The following NEDD4L variants were observed in gnomAD, a reference collection of about 807,000 sequenced individuals.
NEDD4L encodes the protein E3 ubiquitin-protein ligase NEDD4-like.
In NEDD4L, 54 loss-of-function variants were observed where a neutral mutation model predicts 148.9. The ratio of observed to expected loss-of-function variants is 0.36; its 90% CI spans 0.29 to 0.45. NEDD4L has a LOEUF of 0.45. Among genes scored for constraint, NEDD4L ranks in the 20% least tolerant of loss-of-function variants. The probability of loss-of-function intolerance (pLI) is 1.00; values close to 1 mark genes in which losing one functional copy is unlikely to be tolerated. For missense variants in NEDD4L, 856 were observed against 1,233.8 expected (o/e 0.69, Z 4.59); for synonymous variants, 433 against 440.7 (o/e 0.98, Z 0.22).
intron 2 of NEDD4L, among the ~76,000 whole-genome samples, chr18:58,192,338 G>A (rs2040207388): frequency 6.6e-6 from 1 of 152,180 alleles, no homozygotes. Flanking sequence ...AGGCACTATT[G>A]ACTGTGTGTA....
At chr18:58,077,160 C>CT (rs60248050) in intron 1 of NEDD4L, among the ~76,000 whole-genome samples, 626 of 48,934 alleles carry the variant, frequency 0.013, 144 homozygotes, top group Non-Finnish European at 0.018. Context: ...CTCATAACGG[C>CT]TTTTTTTTTT....
At chr18:58,300,773 G>A (rs1367190409) in intron 5 of NEDD4L, among the ~76,000 whole-genome samples, 1 of 152,146 alleles carries the variant, frequency 6.6e-6, no homozygotes, top group Admixed American at 6.5e-5. Flanking sequence ...ATGAGTCTGT[G>A]GCCCAGTGGA....
chr18:58,400,111 C>T lies in NEDD4L; in HGVS notation c.*3842C>T, dbSNP rs2050756142. 1.3e-5 allele frequency: 2 copies of T among 152,550 alleles called. No individual in the cohort carries two copies. The highest frequency in any genetic ancestry group is 3.9e-4 in the East Asian group (2 of 5,182). 9.4% of individuals were successfully genotyped at this position (152,550 alleles called of 1,614,324 possible). ...TCCTCCTTACCCTGGCCCTGCACCCCTGTACTTAAGAGGGAGAGGTGGGAG... is the reference window on the plus strand; with the variant it reads ...TCCTCCTTACCCTGGCCCTGCACCCTTGTACTTAAGAGGGAGAGGTGGGAG... On this transcript the variant is annotated 3_prime_UTR_variant, in exon 31 of 31. Coordinates refer to ENST00000400345, the MANE Select transcript of NEDD4L (RefSeq NM_001144967.3).
chr18:58,082,079 A>AATATATACACACACACAC (rs1378443130), intron 1 of NEDD4L, among the ~76,000 whole-genome samples: 1 of 89,980 alleles, frequency 1.1e-5, no homozygotes, highest in African/African-American at 5.8e-5. Context: ...CTTTCTGATG[A>AATATATACACACACACAC]ATATATATAT....
At chr18:58,339,545 G>A (rs1341089857) in intron 13 of NEDD4L, among the ~76,000 whole-genome samples, 2 of 152,144 alleles carry the variant, frequency 1.3e-5, no homozygotes, top group Non-Finnish European at 2.9e-5. Context: ...CATGATCCGA[G>A]TCTTTGTGTC....
At chr18:58,284,200 C>G (rs1274341753) in intron 5 of NEDD4L, among the ~76,000 whole-genome samples, 1 of 152,148 alleles carries the variant, frequency 6.6e-6, no homozygotes, top group Non-Finnish European at 1.5e-5. Flanking sequence ...ATATGCTAAT[C>G]AATATATATT....
At chr18:58,240,271 G>T (rs1050725452) in intron 2 of NEDD4L, among the ~76,000 whole-genome samples, 10 of 151,550 alleles carry the variant, frequency 6.6e-5, no homozygotes, top group African/African-American at 1.9e-4. Context: ...TTTGGATTTT[G>T]TTTACTCAGT....
In NEDD4L at chr18:58,074,496, A is replaced by G. The variant is rs1173356437; in HGVS notation, c.48+29788A>G. On this transcript the variant is annotated intron_variant, in intron 1 of 30. Coordinates refer to ENST00000400345, the MANE Select transcript of NEDD4L (RefSeq NM_001144967.3). Reference sequence around the variant, plus strand: ...CACCATGTGAGCCAGGATAGTCTCCATCTCCTGACCTTGTGATCCGCTCAC... The same window carrying G: ...CACCATGTGAGCCAGGATAGTCTCCGTCTCCTGACCTTGTGATCCGCTCAC... Among the ~76,000 whole-genome samples, 9 of 143,822 alleles carry G rather than the reference A, an allele frequency of 6.3e-5. No individual in the cohort carries two copies. In the Admixed American group the frequency reaches 6.5e-4, roughly 10 times the overall value. 94.4% of individuals were successfully genotyped at this position (143,822 alleles called of 152,430 possible).
intron 2 of NEDD4L, among the ~76,000 whole-genome samples, chr18:58,189,193 T>C (rs1015829129): frequency 6.6e-6 from 1 of 152,180 alleles, no homozygotes; most frequent in African/African-American, 2.4e-5. Flanking sequence ...TCGCTGCCTT[T>C]CTCTCTGTCT....
chr18:58,327,286 G>A (rs972244198), intron 9 of NEDD4L, among the ~76,000 whole-genome samples: 44 of 152,168 alleles, frequency 2.9e-4, no homozygotes, highest in African/African-American at 9.9e-4. Flanking sequence ...TTGTGAAGAT[G>A]GGGTTTCACT....
At chr18:58,289,829 G>A (rs1461107432) in intron 5 of NEDD4L, among the ~76,000 whole-genome samples, 10 of 152,164 alleles carry the variant, frequency 6.6e-5, no homozygotes, top group Non-Finnish European at 1.3e-4. Flanking sequence ...TTGTAAATAC[G>A]TATGCAGCTT....
rs117532884 is a variant in NEDD4L, at chr18:58,188,183, C to T, written c.122+22322C>T. Among the ~76,000 whole-genome samples, 679 of 152,314 alleles carry T rather than the reference C, an allele frequency of 4.5e-3. 5 individuals carry two copies. Among genetic ancestry groups the T allele is most frequent in the African/African-American group, 0.014 (587 of 41,566 alleles). ...CTGATGCCCAGGCCACCCCACAGGACGGTCCTCCAGCACCTCATTTCTCCT... is the reference window on the plus strand; with the variant it reads ...CTGATGCCCAGGCCACCCCACAGGATGGTCCTCCAGCACCTCATTTCTCCT... On this transcript the variant is annotated intron_variant, in intron 2 of 30. Transcript: ENST00000400345.
intron 1 of NEDD4L, chr18:58,149,581 C>T: frequency 1.3e-6 from 2 of 1,495,108 alleles, no homozygotes; most frequent in Non-Finnish European, 1.8e-6. Flanking sequence ...TAAGACTTTG[C>T]TTGGTGGGGG....
chr18:58,181,459 C>G (rs998081902), intron 2 of NEDD4L, among the ~76,000 whole-genome samples: 1 of 152,148 alleles, frequency 6.6e-6, no homozygotes, highest in Non-Finnish European at 1.5e-5. Context: ...ATTAGCAGAG[C>G]CTCTCTGTGT....
intron 2 of NEDD4L, among the ~76,000 whole-genome samples, chr18:58,239,678 G>C (rs1032620357): frequency 6.6e-6 from 1 of 152,218 alleles, no homozygotes; most frequent in Non-Finnish European, 1.5e-5. Flanking sequence ...TGTGGAGTGT[G>C]TCCCAGAAGG....
At chr18:58,246,641 T>C (rs1165996016) in intron 3 of NEDD4L, among the ~76,000 whole-genome samples, 1 of 152,078 alleles carries the variant, frequency 6.6e-6, no homozygotes, top group Non-Finnish European at 1.5e-5. Flanking sequence ...ATTATTGTAT[T>C]TTTAGTAGAC....
chr18:58,269,772 T>C (rs749109205), intron 5 of NEDD4L, among the ~76,000 whole-genome samples: 2 of 152,016 alleles, frequency 1.3e-5, no homozygotes, highest in Non-Finnish European at 2.9e-5. Context: ...TAATGCATTT[T>C]TTTTTCTCAC....
At position 58,256,328 on chromosome 18, in the gene NEDD4L, G is replaced by T; in HGVS notation, c.297+4274G>T. Reference sequence around the variant, plus strand: ...GCCCAGGCGCTGGTCCCTGCAGCACGTTCCAGATGCTTCTGGAAGCTCTGG... The same window carrying T: ...GCCCAGGCGCTGGTCCCTGCAGCACTTTCCAGATGCTTCTGGAAGCTCTGG... On this transcript the variant is annotated intron_variant, in intron 5 of 30. Coordinates refer to ENST00000400345, the MANE Select transcript of NEDD4L (RefSeq NM_001144967.3). This position sits in a 1 kb window ranked among gnomAD's most constrained non-coding sequence, Gnocchi z 5.2. 1.6e-6 allele frequency: 2 copies of T among 1,232,026 alleles called. No individual in the cohort carries two copies. Among genetic ancestry groups the T allele is most frequent in the East Asian group, 3.2e-5 (1 of 31,698 alleles). The allele number at this position is 1,232,026 out of a possible 1,614,324, so 76.3% of individuals were successfully genotyped here.
intron 5 of NEDD4L, among the ~76,000 whole-genome samples, chr18:58,284,171 C>T (rs949138239): frequency 1.3e-5 from 2 of 152,208 alleles, no homozygotes; most frequent in Admixed American, 1.3e-4. Flanking sequence ...TACTTTGTTA[C>T]AGCAGTTTTA....
Sources: gnomAD v4.1 joint callset for allele counts (sites outside exome capture counted in the v4.1 genomes callset) on GRCh38, gnomAD v4.1.1 for gene constraint, Gnocchi (gnomAD v3.1) non-coding constraint, MANE v1.5 for transcripts, NCBI Gene and HGNC (gene_info 2026-07-23, HGNC 2026-07-21) for gene names.